Variants in ZPBP observed in about 807,000 individuals in gnomAD.
The protein encoded by ZPBP is zona pellucida binding protein.
ZPBP carries 26 observed loss-of-function variants against 44.8 expected under a neutral mutation model. That is an observed-to-expected ratio of 0.58 (90% CI 0.43 to 0.81). ZPBP has a LOEUF of 0.81. ZPBP is among the 30% of genes least tolerant of loss of function. The probability of loss-of-function intolerance (pLI) is 0.00; values close to 1 mark genes in which losing one functional copy is unlikely to be tolerated. For missense variants in ZPBP, 409 were observed against 434.0 expected, an observed-to-expected ratio of 0.94 and a Z score of 0.51; for synonymous variants, 174 against 153.2, an observed-to-expected ratio of 1.14 and a Z score of -1.00.
At chr7:49,906,676 T>C (rs1362644969) in intron 1 of ZPBP, among the ~76,000 whole-genome samples, 2 of 152,190 alleles carry the variant, frequency 1.3e-5, no homozygotes, top group African/African-American at 4.8e-5. Context: ...CATAAAATTC[T>C]TACCAAGAAT....
intron 4 of ZPBP, among the ~76,000 whole-genome samples, chr7:50,047,143 T>A (rs2202771): frequency 2.0e-5 from 3 of 151,814 alleles, no homozygotes; most frequent in Non-Finnish European, 2.9e-5. Context: ...CAGGGCCTGT[T>A]GGGTGGTGGG....
downstream of ZPBP, among the ~76,000 whole-genome samples, chr7:49,934,446 T>A (rs1562784423): frequency 6.8e-6 from 1 of 148,008 alleles, no homozygotes. Flanking sequence ...ACAGAGGGTA[T>A]AAAAAAAAAA....
chr7:49,966,553 A>C lies in ZPBP; in HGVS notation c.961+16789T>G, dbSNP rs184878329. Among the ~76,000 whole-genome samples the C allele has an allele frequency of 6.6e-5, 10 of 152,332 alleles. 1 individual carries two copies. Among genetic ancestry groups the C allele is most frequent in the Middle Eastern group, 6.8e-3 (2 of 294 alleles). The stretch of plus-strand genomic sequence containing the variant: ...AAACAGAAATCTCGGGAAATCCCCC[A>C]AAAATCTGGAAATTAAATGCCACTC... On this transcript the variant is annotated intron_variant, in intron 7 of 7. Coordinates refer to ENST00000046087, the MANE Select transcript of ZPBP (RefSeq NM_007009.3).
chr7:50,074,682 T>C (rs574118358), intron 3 of ZPBP, among the ~76,000 whole-genome samples: 11 of 152,074 alleles, frequency 7.2e-5, no homozygotes, highest in Middle Eastern at 3.4e-3. Context: ...ATGGTCACTA[T>C]ATAATAATAA....
chr7:50,082,473 A>G (rs1385213453), intron 2 of ZPBP, among the ~76,000 whole-genome samples: 3 of 151,864 alleles, frequency 2.0e-5, no homozygotes, highest in Non-Finnish European at 4.4e-5. Context: ...AGTATCCTTT[A>G]GGAGATACAA....
intron 7 of ZPBP, among the ~76,000 whole-genome samples, chr7:49,961,510 TTTC>T (rs1314274558): frequency 6.6e-6 from 1 of 152,088 alleles, no homozygotes; most frequent in African/African-American, 2.4e-5. Flanking sequence ...GCAGGGGACT[TTTC>T]TTGACCATTG....
At chr7:49,952,751 A>C (rs878899562) in intron 7 of ZPBP, among the ~76,000 whole-genome samples, 1 of 152,178 alleles carries the variant, frequency 6.6e-6, no homozygotes, top group Admixed American at 6.6e-5. Context: ...AATAAAAATT[A>C]GAGAGACATA....
At chr7:49,853,567 C>T (rs1790285310) in intron 2 of ZPBP, among the ~76,000 whole-genome samples, 1 of 151,668 alleles carries the variant, frequency 6.6e-6, no homozygotes, top group Admixed American at 6.6e-5. Context: ...GACTATAAAC[C>T]CTATAATGAG....
chr7:49,939,123 G>A (rs185003651), intron 7 of ZPBP, among the ~76,000 whole-genome samples: 301 of 152,294 alleles, frequency 2.0e-3, no homozygotes, highest in African/African-American at 7.0e-3. Flanking sequence ...TCTCAAAAGT[G>A]TGTTGATTAT....
At chr7:50,055,867 G>A (rs1196196084) in intron 4 of ZPBP, among the ~76,000 whole-genome samples, 1 of 152,102 alleles carries the variant, frequency 6.6e-6, no homozygotes, top group African/African-American at 2.4e-5. Context: ...TGATTCTGAA[G>A]TACATTTATT....
intron 1 of ZPBP, among the ~76,000 whole-genome samples, chr7:49,928,624 G>A (rs1206558125): frequency 6.6e-6 from 1 of 152,226 alleles, no homozygotes; most frequent in Non-Finnish European, 1.5e-5. Flanking sequence ...GCAGGCTGAA[G>A]TGGAGTGGCA....
chr7:49,906,986 C>T (rs1380020663), intron 1 of ZPBP, among the ~76,000 whole-genome samples: 1 of 152,054 alleles, frequency 6.6e-6, no homozygotes, highest in Non-Finnish European at 1.5e-5. Flanking sequence ...GGACCAGTTT[C>T]AAGTGACCCA....
At position 50,052,491 on chromosome 7, in the gene ZPBP, T is replaced by C. The variant is rs565769883; in HGVS notation, c.487+5498A>G. ...ACATGGAGTAACTGGACTATCCTTA[T>C]ATTGCTGGTGGGAATACAAAATGGT... On this transcript the variant is annotated intron_variant, in intron 4 of 7. Coordinates refer to ENST00000046087, the MANE Select transcript of ZPBP (RefSeq NM_007009.3). 1.1e-4 allele frequency among the ~76,000 whole-genome samples: 17 copies of C among 152,340 alleles called. No individual in the cohort carries two copies. In the South Asian group the frequency reaches 2.9e-3, roughly 26 times the overall value.
intron 6 of ZPBP, among the ~76,000 whole-genome samples, chr7:49,994,330 A>G (rs1440971726): frequency 1.3e-5 from 2 of 152,200 alleles, no homozygotes; most frequent in Non-Finnish European, 2.9e-5. Flanking sequence ...AACTGATCAT[A>G]GAGAACTCGC....
At chr7:49,921,092 C>T (rs1221831996) in intron 1 of ZPBP, 1 of 152,186 alleles carries the variant, frequency 6.6e-6, no homozygotes, top group Admixed American at 6.5e-5. Context: ...CAGTCACCAC[C>T]TTTCCTGCAT....
At chr7:49,972,002 T>A (rs1458226985) in intron 7 of ZPBP, among the ~76,000 whole-genome samples, 1 of 151,976 alleles carries the variant, frequency 6.6e-6, no homozygotes, top group African/African-American at 2.4e-5. Flanking sequence ...TACAAGCTCA[T>A]GTCAATTGAT....
At chr7:50,000,172 TA>T (rs1190400548) in intron 6 of ZPBP, among the ~76,000 whole-genome samples, 5 of 152,130 alleles carry the variant, frequency 3.3e-5, no homozygotes, top group East Asian at 3.8e-4. Context: ...AATGAGGATA[TA>T]AAAAATACAT....
intron 2 of ZPBP, among the ~76,000 whole-genome samples, chr7:49,890,089 C>T (rs1183415704): frequency 5.3e-5 from 8 of 152,120 alleles, no homozygotes; most frequent in Admixed American, 1.3e-4. Context: ...CTCAATTTCC[C>T]ACCTCACATT....
intron 2 of ZPBP, among the ~76,000 whole-genome samples, chr7:49,859,711 C>T (rs1790569350): frequency 1.3e-5 from 2 of 152,090 alleles, no homozygotes; most frequent in South Asian, 4.1e-4. Flanking sequence ...AGTCAGTTTT[C>T]CTCAGAATGA....
Sources: gnomAD v4.1 joint callset for allele counts (sites outside exome capture counted in the v4.1 genomes callset) on GRCh38, gnomAD v4.1.1 for gene constraint, MANE v1.5 for transcripts, NCBI Gene and HGNC (gene_info 2026-07-23, HGNC 2026-07-21) for gene names.